The following CUL2 variants were observed in gnomAD, a reference collection of about 807,000 sequenced individuals.
The protein encoded by CUL2 is cullin-2.
CUL2 carries 22 observed loss-of-function variants against 110.2 expected under a neutral mutation model. That is an observed-to-expected ratio of 0.20 (90% CI 0.14 to 0.28). The LOEUF is 0.28. CUL2 is among the 10% of genes least tolerant of loss of function. The pLI, the probability that CUL2 is intolerant of heterozygous loss-of-function variation, is 1.00. For synonymous variants in CUL2, 279 were observed against 293.2 expected (o/e 0.95, Z 0.49); for missense variants, 631 against 905.5 (o/e 0.70, Z 3.89).
At chr10:35,037,574 G>A (rs2085654639) in intron 9 of CUL2, among the ~76,000 whole-genome samples, 1 of 152,182 alleles carries the variant, frequency 6.6e-6, no homozygotes, top group South Asian at 2.1e-4. Flanking sequence ...GGCCAAGGGT[G>A]GTGGCTCGTG....
intron 1 of CUL2, among the ~76,000 whole-genome samples, chr10:35,119,447 G>A (rs2087648037): frequency 6.6e-6 from 1 of 151,922 alleles, no homozygotes. Flanking sequence ...TATTAAGTGG[G>A]TTATGGACTA....
chr10:35,044,245 C>A (rs1220970150), intron 8 of CUL2, among the ~76,000 whole-genome samples: 2 of 151,958 alleles, frequency 1.3e-5, no homozygotes, highest in African/African-American at 2.4e-5. Flanking sequence ...TCTAAACTAA[C>A]CACTAAGCAT....
At chr10:35,071,703 C>T (rs987511395) in intron 1 of CUL2, among the ~76,000 whole-genome samples, 12 of 152,132 alleles carry the variant, frequency 7.9e-5, no homozygotes, top group Admixed American at 1.3e-4. Flanking sequence ...CCATCACACC[C>T]GGCCAGTTAT....
At chr10:35,114,354 C>T (rs535291016) in intron 1 of CUL2, among the ~76,000 whole-genome samples, 5 of 151,918 alleles carry the variant, frequency 3.3e-5, no homozygotes, top group African/African-American at 7.2e-5. Context: ...TGTGAGGCAC[C>T]GCCCCCAGCT....
chr10:35,077,725 G>A (rs371044324), intron 1 of CUL2, among the ~76,000 whole-genome samples: 9 of 151,338 alleles, frequency 5.9e-5, no homozygotes, highest in African/African-American at 1.9e-4. Context: ...GCTGAGGCAG[G>A]AGAATCGCTT....
chr10:35,022,295 G>A (rs543527987), intron 17 of CUL2, among the ~76,000 whole-genome samples: 3 of 152,318 alleles, frequency 2.0e-5, no homozygotes, highest in African/African-American at 7.2e-5. Context: ...AATAACTCCA[G>A]CCACAGGTCT....
At chr10:35,104,160 C>A (rs1233924157) in intron 1 of CUL2, among the ~76,000 whole-genome samples, 1 of 152,098 alleles carries the variant, frequency 6.6e-6, no homozygotes, top group East Asian at 1.9e-4. Context: ...TAAGATGACA[C>A]CAGAGGCTGG....
chr10:35,074,455 C>G, intron 1 of CUL2: 1 of 569,116 alleles, frequency 1.8e-6, no homozygotes. Context: ...GCTGCCCCCT[C>G]CACCCATTCC....
chr10:35,118,567 C>T (rs1334223125), intron 1 of CUL2: 3 of 152,192 alleles, frequency 2.0e-5, no homozygotes, highest in African/African-American at 2.4e-5. Flanking sequence ...CTCTATTAAG[C>T]TTATTTTCAA....
intron 1 of CUL2, among the ~76,000 whole-genome samples, chr10:35,112,166 T>C (rs2087531362): frequency 6.6e-6 from 1 of 152,220 alleles, no homozygotes; most frequent in East Asian, 1.9e-4. Flanking sequence ...ACCCTATGTC[T>C]ACTATTAACT....
chr10:35,077,707 C>T (rs983457114), intron 1 of CUL2, among the ~76,000 whole-genome samples: 6 of 151,294 alleles, frequency 4.0e-5, no homozygotes, highest in African/African-American at 1.5e-4. Context: ...ATCCCAGCTA[C>T]TCAGGAGGCT....
chr10:35,077,925 G>A lies in CUL2; in HGVS notation c.-22-6586C>T, dbSNP rs573248850. Among the ~76,000 whole-genome samples, 4 of 152,164 alleles carry A rather than the reference G, an allele frequency of 2.6e-5. No homozygotes were observed. In the South Asian group the frequency reaches 8.3e-4, roughly 31 times the overall value. Reference sequence around the variant, plus strand: ...TCACAATTAAACAGCTTGCTCATGAGTTGATAACTGTTAAGGATGAATAAA... The same window carrying A: ...TCACAATTAAACAGCTTGCTCATGAATTGATAACTGTTAAGGATGAATAAA... On this transcript the variant is annotated intron_variant, in intron 1 of 20. Transcript: ENST00000374749.
rs945937504 is a variant in CUL2, at chr10:35,008,647, C to T, written c.*1664G>A. On this transcript the variant is annotated 3_prime_UTR_variant, in exon 21 of 21. Coordinates refer to ENST00000374749, the MANE Select transcript of CUL2 (RefSeq NM_003591.4). ...ATATTATATGGTTTGCCATTATTTC[C>T]TCTTTTGGAAGAAAGGTAAAATGAG... 1 of 152,068 alleles carries T rather than the reference C, an allele frequency of 6.6e-6. No homozygotes were observed. The highest frequency in any genetic ancestry group is 1.5e-5 in the Non-Finnish European group (1 of 68,004). 9.4% of individuals were successfully genotyped at this position (152,068 alleles called of 1,614,324 possible). A position where few individuals can be genotyped will look rare whatever the true frequency, so the allele number is the denominator to read the frequency against.
In CUL2 at chr10:35,104,742, T is replaced by TGG. The variant is rs199665263; in HGVS notation, c.-50-3684_-50-3683dup. Reference sequence around the variant, plus strand: ...CTAAACGAAGAATCAAAGACTTTTCTGGGGGGGGGACAGTCTTGCTCTTGT... The same window carrying TGG: ...CTAAACGAAGAATCAAAGACTTTTCTGGGGGGGGGGGACAGTCTTGCTCTTGT... On this transcript the variant is annotated intron_variant, in intron 1 of 5. Transcript: ENST00000685421. Among the ~76,000 whole-genome samples, 3 of 150,638 alleles carry TGG rather than the reference T, an allele frequency of 2.0e-5. No individual in the cohort carries two copies. The Admixed American group carries it at 2.0e-4, about 10-fold the overall frequency.
chr10:35,052,963 T>A (rs546539288), intron 5 of CUL2, among the ~76,000 whole-genome samples: 29 of 151,520 alleles, frequency 1.9e-4, no homozygotes, highest in Non-Finnish European at 3.4e-4. Context: ...CTACAGAATA[T>A]TAAGCTTTCA....
At chr10:35,051,958 C>T (rs935826729) in intron 5 of CUL2, among the ~76,000 whole-genome samples, 1 of 152,194 alleles carries the variant, frequency 6.6e-6, no homozygotes, top group South Asian at 2.1e-4. Flanking sequence ...AAATCCTTCT[C>T]TGCCCTAAGG....
At position 35,112,625 on chromosome 10, in the gene CUL2, C is replaced by T. The variant is rs550729762; in HGVS notation, c.-50-11565G>A. On this transcript the variant is annotated intron_variant, in intron 1 of 5. Transcript: ENST00000685421. ...GGCTGAGTTTTGGGCTGTGCATGCA[C>T]GAGAAGAACATGACTGGGGCCAGAG... Among the ~76,000 whole-genome samples, 8 of 152,004 alleles carry T rather than the reference C, an allele frequency of 5.3e-5. No individual in the cohort carries two copies. The East Asian group carries it at 9.7e-4, about 18-fold the overall frequency.
intron 5 of CUL2, among the ~76,000 whole-genome samples, chr10:35,050,191 T>C (rs780156695): frequency 4.6e-5 from 7 of 151,914 alleles, no homozygotes; most frequent in East Asian, 1.9e-4. Context: ...TGTGGTGGCA[T>C]GCGCCTGTAA....
rs1270196624 is a variant in CUL2, at chr10:35,025,481, A to AT, written c.1618-284dup. ...GACTTTCTGTATGACACAGTGATTC[A>AT]TTATCATTTCTGAATAATACTAACA... On this transcript the variant is annotated intron_variant, in intron 16 of 20. Coordinates refer to ENST00000374749, the MANE Select transcript of CUL2 (RefSeq NM_003591.4). Among the ~76,000 whole-genome samples, 10 of 152,328 alleles carry AT rather than the reference A, an allele frequency of 6.6e-5. No individual in the cohort carries two copies. The South Asian group carries it at 1.9e-3, about 28-fold the overall frequency.
Sources: allele counts gnomAD v4.1 joint callset (sites outside exome capture counted in the v4.1 genomes callset), GRCh38; gene constraint gnomAD v4.1.1; transcripts MANE v1.5; gene names NCBI Gene and HGNC (gene_info 2026-07-23, HGNC 2026-07-21).